The following PHYHIPL variants were observed in gnomAD, a reference collection of about 807,000 sequenced individuals.
The protein encoded by PHYHIPL is phytanoyl-CoA hydroxylase-interacting protein-like.
PHYHIPL carries 9 observed loss-of-function variants against 33.4 expected under a neutral mutation model. The ratio of observed to expected loss-of-function variants is 0.27; its 90% CI spans 0.16 to 0.47. The LOEUF is 0.47. PHYHIPL is among the 20% of genes least tolerant of loss of function. The probability of loss-of-function intolerance (pLI) is 0.99; values close to 1 mark genes in which losing one functional copy is unlikely to be tolerated. For synonymous variants in PHYHIPL, 153 were observed against 154.1 expected (o/e 0.99, Z 0.05); for missense variants, 365 against 460.7 (o/e 0.79, Z 1.90).
chr10:59,179,597 C>T (rs1405314104), intron 1 of PHYHIPL, among the ~76,000 whole-genome samples: 1 of 152,078 alleles, frequency 6.6e-6, no homozygotes, highest in Non-Finnish European at 1.5e-5. Context: ...ATAATGTTTT[C>T]ATACTGTATC....
intron 1 of PHYHIPL, among the ~76,000 whole-genome samples, chr10:59,207,415 C>T (rs979714561): frequency 6.6e-6 from 1 of 152,174 alleles, no homozygotes; most frequent in Non-Finnish European, 1.5e-5. Flanking sequence ...ACACTTTTCC[C>T]ACAGTCTTCG....
intron 1 of PHYHIPL, among the ~76,000 whole-genome samples, chr10:59,189,264 T>A (rs1300836755): frequency 2.0e-5 from 3 of 152,028 alleles, no homozygotes; most frequent in Non-Finnish European, 2.9e-5. Context: ...GAAAAAGAAT[T>A]TCTAGAAAAA....
chr10:59,245,370 A>T lies in PHYHIPL; in HGVS notation c.910A>T (p.Asn304Tyr), dbSNP rs114272469. ...EFCKQRLPQL[N>Y]SKDNKFLTCT... ...TTGTAAGCAGCGCCTTCCTCAACTAAATTCTAAGGATAATAAATTTTTGAC... is the reference window on the plus strand; with the variant it reads ...TTGTAAGCAGCGCCTTCCTCAACTATATTCTAAGGATAATAAATTTTTGAC... Residue 304 changes from asparagine (N) to tyrosine (Y), a missense_variant, in exon 5 of 5, where the codon AAT becomes TAT. Transcript: ENST00000373880. 3.8e-5 allele frequency: 62 copies of T among 1,614,084 alleles called. No homozygotes were observed. The African/African-American group carries it at 6.9e-4, about 18-fold the overall frequency.
intron 1 of PHYHIPL, among the ~76,000 whole-genome samples, chr10:59,208,360 CAGAA>C (rs963537514): frequency 6.6e-6 from 1 of 152,176 alleles, no homozygotes; most frequent in African/African-American, 2.4e-5. Flanking sequence ...AACTAACAAA[CAGAA>C]AGGAATAGCG....
Position 59,245,672 on chromosome 10 carries a change from A to G in PHYHIPL, c.*81A>G, listed in dbSNP as rs1413564032. ...CTCTGTTGTCCATTTTTATCACCAGATGTTTTCCACTGAAGCATGCACATG... is the reference window on the plus strand; with the variant it reads ...CTCTGTTGTCCATTTTTATCACCAGGTGTTTTCCACTGAAGCATGCACATG... On this transcript the variant is annotated 3_prime_UTR_variant, in exon 5 of 5. Transcript: ENST00000373880. 2 of 1,433,590 alleles carry G rather than the reference A, an allele frequency of 1.4e-6. No homozygotes were observed. Among genetic ancestry groups the G allele is most frequent in the Non-Finnish European group, 1.9e-6 (2 of 1,068,708 alleles). 88.8% of individuals were successfully genotyped at this position (1,433,590 alleles called of 1,614,324 possible). A position where few individuals can be genotyped will look rare whatever the true frequency, so the allele number is the denominator to read the frequency against.
intron 1 of PHYHIPL, among the ~76,000 whole-genome samples, chr10:59,224,882 AGAG>A (rs1839885476): frequency 6.6e-6 from 1 of 152,094 alleles, no homozygotes; most frequent in Admixed American, 6.5e-5. Context: ...ATACTCAGAA[AGAG>A]GAGTATATAA....
At chr10:59,211,176 C>T (rs1839428016) in intron 1 of PHYHIPL, among the ~76,000 whole-genome samples, 1 of 151,912 alleles carries the variant, frequency 6.6e-6, no homozygotes, top group Non-Finnish European at 1.5e-5. Context: ...AATTTGAGAC[C>T]AGCCTGGGGA....
chr10:59,180,752 T>C (rs563540498), intron 1 of PHYHIPL, among the ~76,000 whole-genome samples: 4 of 152,294 alleles, frequency 2.6e-5, no homozygotes, highest in East Asian at 3.9e-4. Context: ...ATCAAATTTA[T>C]TTAAATTATA....
In PHYHIPL at chr10:59,199,003, C is replaced by A. The variant is rs368975080; in HGVS notation, c.106+22044C>A. 9.2e-5 allele frequency among the ~76,000 whole-genome samples: 14 copies of A among 151,976 alleles called. No individual in the cohort carries two copies. In the East Asian group the frequency reaches 2.5e-3, roughly 27 times the overall value. ...TGCGAAAATTTTCTCCCATTCTGTACGTTGCCTGTTCACTCTGATGGTAGT... is the reference window on the plus strand; with the variant it reads ...TGCGAAAATTTTCTCCCATTCTGTAAGTTGCCTGTTCACTCTGATGGTAGT... On this transcript the variant is annotated intron_variant, in intron 1 of 4. Coordinates refer to ENST00000373880, the MANE Select transcript of PHYHIPL (RefSeq NM_032439.4).
chr10:59,233,888 T>G (rs987017620), intron 1 of PHYHIPL, among the ~76,000 whole-genome samples: 62 of 151,854 alleles, frequency 4.1e-4, no homozygotes, highest in African/African-American at 1.4e-3. Context: ...GCTTCCAAAA[T>G]GAAAGAGGAG....
intron 1 of PHYHIPL, among the ~76,000 whole-genome samples, chr10:59,224,495 CAA>C (rs1337406522): frequency 0.025 from 1,349 of 53,626 alleles, 11 homozygotes; most frequent in African/African-American, 0.05. Context: ...CAAAACAAAA[CAA>C]AAAACAAAAC....
intron 1 of PHYHIPL, among the ~76,000 whole-genome samples, chr10:59,208,335 G>A (rs1479552480): frequency 6.6e-6 from 1 of 152,196 alleles, no homozygotes; most frequent in Non-Finnish European, 1.5e-5. Context: ...TGCGGAGACT[G>A]AACGTTAGAA....
chr10:59,200,894 G>A (rs1399853061), intron 1 of PHYHIPL, among the ~76,000 whole-genome samples: 7 of 152,150 alleles, frequency 4.6e-5, no homozygotes, highest in Non-Finnish European at 7.4e-5. Flanking sequence ...CTGTGGGATC[G>A]GCAGTGATAT....
Position 59,247,518 on chromosome 10 carries a change from A to AT in PHYHIPL, c.*1931dup. 1 of 1,513,288 alleles carries AT rather than the reference A, an allele frequency of 6.6e-7. No homozygotes were observed. The highest frequency in any genetic ancestry group is 9.1e-7 in the Non-Finnish European group (1 of 1,103,124). The allele number at this position is 1,513,288 out of a possible 1,614,324, so 93.7% of individuals were successfully genotyped here. A position where few individuals can be genotyped will look rare whatever the true frequency, so the allele number is the denominator to read the frequency against. ...CTAATACTACCACTAAAGTGCTTCC[A>AT]TTTTCATTGTGTCAAAACTACTTAG... On this transcript the variant is annotated 3_prime_UTR_variant, in exon 5 of 5. Coordinates refer to ENST00000373880, the MANE Select transcript of PHYHIPL (RefSeq NM_032439.4).
intron 1 of PHYHIPL, among the ~76,000 whole-genome samples, chr10:59,196,888 T>C (rs1838937092): frequency 6.6e-6 from 1 of 152,268 alleles, no homozygotes. Flanking sequence ...AATTATATAC[T>C]CTTTATTGTC....
chr10:59,221,096 A>C (rs1157180229), intron 1 of PHYHIPL, among the ~76,000 whole-genome samples: 1 of 152,024 alleles, frequency 6.6e-6, no homozygotes, highest in Non-Finnish European at 1.5e-5. Context: ...TGCCTGGACT[A>C]GACTCTAATG....
chr10:59,208,810 C>G (rs775923182), intron 1 of PHYHIPL, among the ~76,000 whole-genome samples: 1 of 151,510 alleles, frequency 6.6e-6, no homozygotes, highest in Non-Finnish European at 1.5e-5. Flanking sequence ...ATTGATCAAG[C>G]AGAAGAAAAG....
intron 3 of PHYHIPL, among the ~76,000 whole-genome samples, 153 bp from the exon 4 acceptor site, chr10:59,238,435 C>T (rs1235011984): frequency 6.6e-6 from 1 of 151,968 alleles, no homozygotes; most frequent in African/African-American, 2.4e-5. Flanking sequence ...ATGTGCCACA[C>T]AGACAATGAA....
intron 1 of PHYHIPL, among the ~76,000 whole-genome samples, chr10:59,204,006 G>A (rs1839211061): frequency 6.6e-6 from 1 of 152,124 alleles, no homozygotes; most frequent in Non-Finnish European, 1.5e-5. Flanking sequence ...GGGAGTAAAA[G>A]AAGCCTAAAG....
Sources: allele counts gnomAD v4.1 joint callset (sites outside exome capture counted in the v4.1 genomes callset), GRCh38; gene constraint gnomAD v4.1.1; transcripts MANE v1.5; gene names NCBI Gene and HGNC (gene_info 2026-07-23, HGNC 2026-07-21).